NOS1AP: variants seen among roughly 807,000 people sequenced by gnomAD.
NOS1AP encodes carboxyl-terminal PDZ ligand of neuronal nitric oxide synthase protein.
NOS1AP carries 21 observed loss-of-function variants against 56.2 expected under a neutral mutation model. That is an observed-to-expected ratio of 0.37 (90% CI 0.26 to 0.54). The LOEUF (loss-of-function observed/expected upper bound fraction) is 0.54, where lower values mean the gene tolerates loss of function less well. NOS1AP is among the 20% of genes least tolerant of loss of function. The probability of loss-of-function intolerance (pLI) is 0.84; values close to 1 mark genes in which losing one functional copy is unlikely to be tolerated. For missense variants in NOS1AP, 522 were observed against 657.8 expected, an observed-to-expected ratio of 0.79 and a Z score of 2.26; for synonymous variants, 270 against 274.6, an observed-to-expected ratio of 0.98 and a Z score of 0.17.
intron 8 of NOS1AP, among the ~76,000 whole-genome samples, chr1:162,358,155 A>T (rs995336170): frequency 1.3e-5 from 2 of 152,216 alleles, no homozygotes; most frequent in Admixed American, 6.5e-5. Flanking sequence ...AGACTTCTCC[A>T]GGGAGCACTT....
chr1:162,167,152 G>A (rs1431221321), intron 2 of NOS1AP, among the ~76,000 whole-genome samples: 2 of 152,206 alleles, frequency 1.3e-5, no homozygotes, highest in South Asian at 2.1e-4. Flanking sequence ...AAGGTTTATG[G>A]TGGAAATGAC....
rs565786964 is a variant in NOS1AP at position 162,289,464 on chromosome 1, C to CTTTTTTTTTTTTTTTTTTT, written c.270+2032_270+2033insTTTTTTTTTTTTTTTTTTT. ...TGGCGCCTGCCACCACGCCCAGCTA[C>CTTTTTTTTTTTTTTTTTTT]TTTTCTTTTTTTTTTTTTTTTTTTT... On this transcript the variant is annotated intron_variant, in intron 3 of 9. Transcript: ENST00000361897. 4.4e-5 allele frequency among the ~76,000 whole-genome samples: 2 copies of CTTTTTTTTTTTTTTTTTTT among 45,050 alleles called. 1 individual carries two copies. 29.6% of individuals were successfully genotyped at this position (45,050 alleles called of 152,430 possible). A position where few individuals can be genotyped will look rare whatever the true frequency, so the allele number is the denominator to read the frequency against.
In NOS1AP at chr1:162,273,986, C is replaced by T. The variant is rs1184706463; in HGVS notation, c.178-13358C>T. ...TCACCCTGTGGAAGGATATTTGAGT[C>T]GTTTCTAATTTTGGTAATTATAATA... On this transcript the variant is annotated intron_variant, in intron 2 of 9. Coordinates refer to ENST00000361897, the MANE Select transcript of NOS1AP (RefSeq NM_014697.3). 2.0e-5 allele frequency among the ~76,000 whole-genome samples: 3 copies of T among 152,214 alleles called. No homozygotes were observed. In the South Asian group the frequency reaches 6.2e-4, roughly 32 times the overall value.
intron 7 of NOS1AP, among the ~76,000 whole-genome samples, chr1:162,355,631 C>T (rs1657678531): frequency 6.6e-6 from 1 of 152,152 alleles, no homozygotes; most frequent in Non-Finnish European, 1.5e-5. Flanking sequence ...GCACCCTCTT[C>T]CCTTAACAGC....
intron 2 of NOS1AP, among the ~76,000 whole-genome samples, chr1:162,257,793 G>C (rs913829307): frequency 1.3e-5 from 2 of 152,132 alleles, no homozygotes; most frequent in Admixed American, 6.5e-5. Flanking sequence ...GGCCTCTGTG[G>C]CAATCTGAGT....
chr1:162,132,008 GCA>G (rs1648772379), intron 1 of NOS1AP, among the ~76,000 whole-genome samples: 1 of 152,214 alleles, frequency 6.6e-6, no homozygotes, highest in Non-Finnish European at 1.5e-5. Flanking sequence ...ACTGTAAACT[GCA>G]CAGTGAAGGG....
intron 1 of NOS1AP, among the ~76,000 whole-genome samples, chr1:162,140,696 A>G (rs1359143078): frequency 2.6e-5 from 4 of 152,284 alleles, no homozygotes; most frequent in Non-Finnish European, 4.4e-5. Context: ...ATGGTAGTTC[A>G]GCTCTTAGTT....
At chr1:162,307,831 A>G (rs1655889708) in intron 4 of NOS1AP, among the ~76,000 whole-genome samples, 1 of 152,026 alleles carries the variant, frequency 6.6e-6, no homozygotes, top group Admixed American at 6.6e-5. Context: ...AAAAAAAAAA[A>G]GAATTAGAAG....
intron 5 of NOS1AP, among the ~76,000 whole-genome samples, chr1:162,340,580 G>A (rs1657079558): frequency 6.6e-6 from 1 of 152,152 alleles, no homozygotes; most frequent in African/African-American, 2.4e-5. Flanking sequence ...TTTACTATAT[G>A]CCAGGCACTG....
At chr1:162,311,262 A>G (rs1656017430) in intron 4 of NOS1AP, among the ~76,000 whole-genome samples, 1 of 151,724 alleles carries the variant, frequency 6.6e-6, no homozygotes, top group Admixed American at 6.6e-5. Flanking sequence ...ATCATCTACC[A>G]CTTCTCATTT....
At chr1:162,245,047 G>A (rs1571157106) in intron 2 of NOS1AP, among the ~76,000 whole-genome samples, 1 of 152,272 alleles carries the variant, frequency 6.6e-6, no homozygotes, top group East Asian at 1.9e-4. Flanking sequence ...CCATGTAGAG[G>A]AGGAGGGGAC....
At chr1:162,101,088 T>C (rs1647239071) in intron 1 of NOS1AP, among the ~76,000 whole-genome samples, 1 of 152,228 alleles carries the variant, frequency 6.6e-6, no homozygotes, top group Non-Finnish European at 1.5e-5. Context: ...TTTAAGTCTT[T>C]AATCCATCTT....
chr1:162,083,403 A>G lies in NOS1AP; in HGVS notation c.105+13121A>G, dbSNP rs541638699. 2.6e-5 allele frequency among the ~76,000 whole-genome samples: 4 copies of G among 152,222 alleles called. No individual in the cohort carries two copies. In the East Asian group the frequency reaches 7.7e-4, roughly 29 times the overall value. ...TAGCCTCCACTGTAACTACATTTTC[A>G]AATTGGCAATTTTTTTATTTGGAGA... On this transcript the variant is annotated intron_variant, in intron 1 of 9. Transcript: ENST00000361897.
intron 2 of NOS1AP, among the ~76,000 whole-genome samples, chr1:162,212,087 G>A (rs1474348423): frequency 6.6e-6 from 1 of 152,192 alleles, no homozygotes; most frequent in Non-Finnish European, 1.5e-5. Context: ...GAGATGCCTT[G>A]CCTGTGTTGC....
intron 2 of NOS1AP, among the ~76,000 whole-genome samples, chr1:162,255,490 A>ATTTTTTTTTTTTTTTTTTTTGT (rs1653998358): frequency 1.6e-5 from 1 of 60,974 alleles, no homozygotes; most frequent in Non-Finnish European, 3.5e-5. Flanking sequence ...GCTGCTGCTG[A>ATTTTTTTTTTTTTTTTTTTTGT]TTTTTTTTTT....
At chr1:162,349,738 G>C (rs148634496) in intron 6 of NOS1AP, among the ~76,000 whole-genome samples, 3 of 152,188 alleles carry the variant, frequency 2.0e-5, no homozygotes, top group African/African-American at 4.8e-5. Context: ...GACCTCATCT[G>C]TACAGTGAGG....
intron 1 of NOS1AP, among the ~76,000 whole-genome samples, chr1:162,132,506 G>A (rs1272312987): frequency 6.6e-6 from 1 of 152,206 alleles, no homozygotes; most frequent in Admixed American, 6.5e-5. Context: ...GTGACCTTCA[G>A]GTCTAGTGAA....
At chr1:162,330,343 T>C (rs910201908) in intron 4 of NOS1AP, among the ~76,000 whole-genome samples, 3 of 152,206 alleles carry the variant, frequency 2.0e-5, no homozygotes, top group African/African-American at 7.2e-5. Flanking sequence ...TACCAAGATG[T>C]GTTCCTTGTT....
intron 8 of NOS1AP, chr1:162,364,618 G>T: frequency 1.0e-6 from 1 of 985,490 alleles, no homozygotes; most frequent in Non-Finnish European, 1.2e-6. Context: ...TGATGAGGGT[G>T]CCACAAATTG....
Sources: gnomAD v4.1 joint callset for allele counts (sites outside exome capture counted in the v4.1 genomes callset) on GRCh38, gnomAD v4.1.1 for gene constraint, MANE v1.5 for transcripts, NCBI Gene and HGNC (gene_info 2026-07-23, HGNC 2026-07-21) for gene names.